Variants in OXCT1 observed in about 807,000 individuals in gnomAD.
OXCT1 encodes succinyl-CoA:3-ketoacid coenzyme A transferase 1, mitochondrial.
OXCT1 carries 27 observed loss-of-function variants against 69.6 expected under a neutral mutation model. The ratio of observed to expected loss-of-function variants is 0.39; its 90% CI spans 0.29 to 0.54. OXCT1 has a LOEUF of 0.54. Ranked by LOEUF, OXCT1 falls within the 20% of genes least tolerant of loss-of-function variation. The probability of loss-of-function intolerance (pLI) is 0.72; values close to 1 mark genes in which losing one functional copy is unlikely to be tolerated. For synonymous variants in OXCT1, 202 were observed against 217.8 expected, an observed-to-expected ratio of 0.93 and a Z score of 0.64; for missense variants, 437 against 650.2, an observed-to-expected ratio of 0.67 and a Z score of 3.57.
At chr5:41,741,118 T>A (rs1256971410) in intron 15 of OXCT1, among the ~76,000 whole-genome samples, 1 of 151,962 alleles carries the variant, frequency 6.6e-6, no homozygotes, top group African/African-American at 2.4e-5. Context: ...ATCCAGCTAA[T>A]TTTTTGTATT....
At position 41,780,116 on chromosome 5, in the gene OXCT1, T is replaced by G. The variant is rs137923704; in HGVS notation, c.1248+13887A>C. Among the ~76,000 whole-genome samples the G allele has an allele frequency of 3.8e-4, 58 of 152,246 alleles. 2 individuals carry two copies. The highest frequency in any genetic ancestry group is 1.3e-3 in the African/African-American group (55 of 41,560). ...AATAACAGTCTGAGGAAATTAAAGG[T>G]ATACAAGAATATGACATGTTTTGGG... On this transcript the variant is annotated intron_variant, in intron 13 of 16. Transcript: ENST00000196371.
chr5:41,814,162 A>G (rs1747118820), intron 7 of OXCT1, among the ~76,000 whole-genome samples: 1 of 152,096 alleles, frequency 6.6e-6, no homozygotes, highest in African/African-American at 2.4e-5. Context: ...TAAACAGCAC[A>G]TTTATCAAAT....
rs1376282824 is a variant in OXCT1, at chr5:41,807,415, T to G, written c.756A>C (p.Gly252=). The change falls in exon 8 of 17, where the codon GGA becomes GGC. Residue 252 remains glycine, a synonymous_variant. Transcript: ENST00000196371. The part of the protein sequence containing the change: ...VVEVEEIVDI[G]AFAPEDIHIP... ...TATGGATGTCTTCTGGAGCAAATGC[T>G]CCAATATCCACAATTTCTTCAACCT... 9 of 1,600,500 alleles carry G rather than the reference T, an allele frequency of 5.6e-6. No homozygotes were observed. Among genetic ancestry groups the G allele is most frequent in the Non-Finnish European group, 7.7e-6 (9 of 1,168,448 alleles).
chr5:41,835,609 C>A (rs2112381375), intron 7 of OXCT1, among the ~76,000 whole-genome samples: 1 of 152,256 alleles, frequency 6.6e-6, no homozygotes, highest in Middle Eastern at 3.4e-3. Flanking sequence ...GGCAAACATA[C>A]CACAATATAA....
Position 41,794,464 on chromosome 5 carries a change from A to C in OXCT1, c.1172+213T>G, listed in dbSNP as rs1746080510. The C allele has an allele frequency of 9.8e-6, 6 of 612,144 alleles. No individual in the cohort carries two copies. In the South Asian group the frequency reaches 1.0e-4, roughly 10 times the overall value. 37.9% of individuals were successfully genotyped at this position (612,144 alleles called of 1,614,324 possible). A position where few individuals can be genotyped will look rare whatever the true frequency, so the allele number is the denominator to read the frequency against. ...CAGTATGGTTGGCACAAAGGCATGG[A>C]TTCCATTTTGGGGGTTCTTTTCCTA... On this transcript the variant is annotated intron_variant, in intron 12 of 16. Transcript: ENST00000196371.
At chr5:41,789,457 C>T (rs143501482) in intron 13 of OXCT1, among the ~76,000 whole-genome samples, 2,163 of 152,220 alleles carry the variant, frequency 0.014, 100 homozygotes, top group South Asian at 0.079. Context: ...TATGCCAGAT[C>T]AATACATGTT....
intron 13 of OXCT1, among the ~76,000 whole-genome samples, chr5:41,765,556 G>T (rs546508711): frequency 6.6e-6 from 1 of 152,254 alleles, no homozygotes; most frequent in South Asian, 2.1e-4. Flanking sequence ...AAATTATATG[G>T]AAGGGTGAGA....
chr5:41,757,804 A>G (rs909657367), intron 14 of OXCT1, among the ~76,000 whole-genome samples: 1 of 152,058 alleles, frequency 6.6e-6, no homozygotes, highest in Non-Finnish European at 1.5e-5. Context: ...GGGAAACACC[A>G]TGATGCCTTT....
At chr5:41,804,405 AAGT>A (rs1463644165) in intron 9 of OXCT1, among the ~76,000 whole-genome samples, 2 of 152,110 alleles carry the variant, frequency 1.3e-5, no homozygotes, top group Non-Finnish European at 2.9e-5. Flanking sequence ...GGTTGAAAAA[AAGT>A]AGGAGATATG....
At chr5:41,748,091 A>G (rs2112040854) in intron 15 of OXCT1, among the ~76,000 whole-genome samples, 1 of 152,256 alleles carries the variant, frequency 6.6e-6, no homozygotes, top group Non-Finnish European at 1.5e-5. Context: ...TTAAATATCA[A>G]TGTAAGTTAT....
At chr5:41,745,288 C>A (rs574572997) in intron 15 of OXCT1, among the ~76,000 whole-genome samples, 1,822 of 152,172 alleles carry the variant, frequency 0.012, 14 homozygotes, top group Non-Finnish European at 0.019. Flanking sequence ...GAACAACCTG[C>A]TCCTGAATGA....
At chr5:41,823,462 C>G (rs1023573673) in intron 7 of OXCT1, among the ~76,000 whole-genome samples, 1 of 152,154 alleles carries the variant, frequency 6.6e-6, no homozygotes, top group African/African-American at 2.4e-5. Flanking sequence ...ACAGTTTGAG[C>G]TTTTCTACCC....
intron 7 of OXCT1, among the ~76,000 whole-genome samples, chr5:41,813,967 G>T (rs1015017941): frequency 6.6e-6 from 1 of 151,656 alleles, no homozygotes; most frequent in Non-Finnish European, 1.5e-5. Flanking sequence ...TTTTTATTTG[G>T]CATCCCAGGC....
At chr5:41,862,805 G>A (rs1749800943) in intron 1 of OXCT1, 55 bp from the exon 2 acceptor site, 1 of 1,021,114 alleles carries the variant, frequency 9.8e-7, no homozygotes, top group African/African-American at 1.6e-5. Flanking sequence ...GCTTTACTTT[G>A]TGTGTGTAGC....
chr5:41,761,565 A>C (rs1744347740), intron 14 of OXCT1, among the ~76,000 whole-genome samples: 1 of 152,108 alleles, frequency 6.6e-6, no homozygotes, highest in Non-Finnish European at 1.5e-5. Flanking sequence ...TGTAACAGGC[A>C]CTCAAATATT....
At chr5:41,857,092 A>G (rs747889692) in intron 3 of OXCT1, among the ~76,000 whole-genome samples, 4 of 152,118 alleles carry the variant, frequency 2.6e-5, no homozygotes, top group Non-Finnish European at 5.9e-5. Flanking sequence ...TCTATCAGGA[A>G]ATCCTGATTC....
At chr5:41,849,240 T>C (rs374624911) in intron 5 of OXCT1, among the ~76,000 whole-genome samples, 5 of 152,314 alleles carry the variant, frequency 3.3e-5, no homozygotes, top group Admixed American at 2.6e-4. Flanking sequence ...CATCCCCATA[T>C]GCAGAAAAGT....
intron 14 of OXCT1, among the ~76,000 whole-genome samples, chr5:41,754,772 C>T (rs1310701922): frequency 6.6e-6 from 1 of 151,912 alleles, no homozygotes; most frequent in Non-Finnish European, 1.5e-5. Flanking sequence ...AAGCAGAGAA[C>T]ATTTGCTATT....
intron 15 of OXCT1, among the ~76,000 whole-genome samples, chr5:41,745,731 C>G (rs1324621507): frequency 1.3e-5 from 2 of 151,134 alleles, no homozygotes; most frequent in African/African-American, 4.9e-5. Context: ...ACCACCGATC[C>G]CACAGAAATA....
Sources: gnomAD v4.1 joint callset for allele counts (sites outside exome capture counted in the v4.1 genomes callset) on GRCh38, gnomAD v4.1.1 for gene constraint, MANE v1.5 for transcripts, NCBI Gene and HGNC (gene_info 2026-07-23, HGNC 2026-07-21) for gene names.